KCNH1: variants seen among roughly 807,000 people sequenced by gnomAD.
KCNH1 encodes voltage-gated delayed rectifier potassium channel KCNH1.
In KCNH1, 27 loss-of-function variants were observed where a neutral mutation model predicts 69.2. That is an observed-to-expected ratio of 0.39 (90% CI 0.29 to 0.54). The LOEUF is 0.54. Among genes scored for constraint, KCNH1 ranks in the 20% least tolerant of loss-of-function variants. The pLI is 0.68. For synonymous variants in KCNH1, 456 were observed against 487.7 expected (o/e 0.93, Z 0.86); for missense variants, 798 against 1,261.6 (o/e 0.63, Z 5.57).
chr1:211,124,481 T>C (rs1394428227), intron 1 of KCNH1, among the ~76,000 whole-genome samples: 1 of 152,160 alleles, frequency 6.6e-6, no homozygotes, highest in Non-Finnish European at 1.5e-5. Context: ...CCGTCTCTAC[T>C]AAAATATGAA....
rs575111860 is a variant in KCNH1, at chr1:210,730,561, G to A, written c.2112+44787C>T. Among the ~76,000 whole-genome samples, 10 of 150,536 alleles carry A rather than the reference G, an allele frequency of 6.6e-5. No homozygotes were observed. The South Asian group carries it at 1.1e-3, about 16-fold the overall frequency. ...TGTGCCTAGTAATTACTGATGAAAC[G>A]TGCCAATTACCATTGCTTTTCCAGC... On this transcript the variant is annotated intron_variant, in intron 10 of 10. Coordinates refer to ENST00000271751, the MANE Select transcript of KCNH1 (RefSeq NM_172362.3).
intron 3 of KCNH1, among the ~76,000 whole-genome samples, chr1:211,097,052 G>A (rs528851676): frequency 2.6e-5 from 4 of 152,064 alleles, no homozygotes; most frequent in Non-Finnish European, 5.9e-5. Context: ...TATCCTAATC[G>A]AACTCACATA....
chr1:211,055,550 G>A (rs1558585008), intron 5 of KCNH1, among the ~76,000 whole-genome samples: 1 of 152,190 alleles, frequency 6.6e-6, no homozygotes, highest in Admixed American at 6.5e-5. Context: ...AATGAGTGTG[G>A]GGTGAATGTG....
At chr1:210,968,440 C>A (rs1688449909) in intron 6 of KCNH1, among the ~76,000 whole-genome samples, 1 of 138,966 alleles carries the variant, frequency 7.2e-6, no homozygotes, top group South Asian at 2.6e-4. Flanking sequence ...GAGGAATCGC[C>A]ACACTGACTT....
At chr1:211,066,434 G>T (rs962558116) in intron 5 of KCNH1, among the ~76,000 whole-genome samples, 10 of 152,036 alleles carry the variant, frequency 6.6e-5, no homozygotes, top group African/African-American at 2.4e-4. Context: ...TTTGTTTCAT[G>T]TATACTTTAT....
At chr1:211,111,293 C>T (rs1196225526) in intron 1 of KCNH1, among the ~76,000 whole-genome samples, 1 of 152,190 alleles carries the variant, frequency 6.6e-6, no homozygotes, top group Non-Finnish European at 1.5e-5. Flanking sequence ...CCCACCGCCT[C>T]TGCCCAGCGG....
intron 7 of KCNH1, among the ~76,000 whole-genome samples, chr1:210,910,860 C>T (rs1392159176): frequency 6.6e-6 from 1 of 152,210 alleles, no homozygotes; most frequent in Non-Finnish European, 1.5e-5. Flanking sequence ...CAAATCCTAA[C>T]CATTATTCAC....
At chr1:210,986,921 C>T (rs1004727001) in intron 6 of KCNH1, among the ~76,000 whole-genome samples, 1 of 152,180 alleles carries the variant, frequency 6.6e-6, no homozygotes, top group African/African-American at 2.4e-5. Flanking sequence ...TCAGGTATAC[C>T]AGTCAGATGT....
intron 5 of KCNH1, among the ~76,000 whole-genome samples, chr1:211,037,827 A>C (rs1299861926): frequency 2.0e-5 from 3 of 152,092 alleles, no homozygotes; most frequent in Non-Finnish European, 4.4e-5. Context: ...GAATTCCTAC[A>C]TGTTGTGGGG....
intron 5 of KCNH1, 54 bp downstream of exon 5, chr1:211,082,726 G>A: frequency 7.2e-7 from 1 of 1,395,450 alleles, no homozygotes; most frequent in East Asian, 2.3e-5. Flanking sequence ...CATTGCCTCA[G>A]CCCATGCACC....
chr1:211,040,873 G>T (rs990332236), intron 5 of KCNH1, among the ~76,000 whole-genome samples: 1 of 152,032 alleles, frequency 6.6e-6, no homozygotes, highest in Non-Finnish European at 1.5e-5. Context: ...ACTTCATCTT[G>T]TTTCAACAGA....
At chr1:210,979,791 C>T (rs185146849) in intron 6 of KCNH1, among the ~76,000 whole-genome samples, 37 of 152,272 alleles carry the variant, frequency 2.4e-4, no homozygotes, top group Non-Finnish European at 1.6e-4. Context: ...CTTCAGCACA[C>T]CCTATGTAAT....
Position 210,743,673 on chromosome 1 carries a change from T to A in KCNH1, c.2112+31675A>T, listed in dbSNP as rs141994889. 1.9e-3 allele frequency among the ~76,000 whole-genome samples: 282 copies of A among 152,352 alleles called. 2 individuals carry two copies. Among genetic ancestry groups the A allele is most frequent in the African/African-American group, 6.5e-3 (270 of 41,586 alleles). ...CCTGCCTATCAAGAGAAATCTTTAC[T>A]GTTTAAATATTTCAACAGCCACAAG... On this transcript the variant is annotated intron_variant, in intron 10 of 10. Transcript: ENST00000271751.
chr1:211,096,736 T>A (rs6701088), intron 3 of KCNH1, among the ~76,000 whole-genome samples: 1 of 151,938 alleles, frequency 6.6e-6, no homozygotes, highest in Non-Finnish European at 1.5e-5. Flanking sequence ...GCTGTTTTTG[T>A]ATTTGTTTTT....
chr1:210,721,655 C>T (rs942695170), intron 10 of KCNH1, among the ~76,000 whole-genome samples: 1 of 151,858 alleles, frequency 6.6e-6, no homozygotes, highest in Admixed American at 6.6e-5. Context: ...TATCAGAAGC[C>T]GTAGAAGGAG....
chr1:210,773,315 T>G (rs1036407893), intron 10 of KCNH1, among the ~76,000 whole-genome samples: 1 of 152,180 alleles, frequency 6.6e-6, no homozygotes, highest in Non-Finnish European at 1.5e-5. Context: ...GCCACAATCT[T>G]GCATTTTATT....
chr1:210,938,515 T>C (rs1309802928), intron 6 of KCNH1, among the ~76,000 whole-genome samples: 2 of 152,248 alleles, frequency 1.3e-5, no homozygotes, highest in Non-Finnish European at 1.5e-5. Context: ...CTCTGTCTTC[T>C]AGATAAAATT....
rs572837150 is a variant in KCNH1, at chr1:210,715,089, T to C, written c.2113-30951A>G. Among the ~76,000 whole-genome samples, 15 of 152,286 alleles carry C rather than the reference T, an allele frequency of 9.8e-5. No homozygotes were observed. The South Asian group carries it at 1.0e-3, about 11-fold the overall frequency. On this transcript the variant is annotated intron_variant, in intron 10 of 10. Coordinates refer to ENST00000271751, the MANE Select transcript of KCNH1 (RefSeq NM_172362.3). ...AGTCCACAGGAAGACTCTGCCTCAA[T>C]AGGGGGCCTGACAGCAGCAAAGACT...
chr1:210,691,950 C>T (rs1241928660), intron 10 of KCNH1, among the ~76,000 whole-genome samples: 1 of 152,190 alleles, frequency 6.6e-6, no homozygotes, highest in Non-Finnish European at 1.5e-5. Flanking sequence ...ACCTCTGGGT[C>T]CAGCACTAGT....
Sources: allele counts gnomAD v4.1 joint callset (sites outside exome capture counted in the v4.1 genomes callset), GRCh38; gene constraint gnomAD v4.1.1; transcripts MANE v1.5; gene names NCBI Gene and HGNC (gene_info 2026-07-23, HGNC 2026-07-21).